CCDC38: variants seen among roughly 807,000 people sequenced by gnomAD.
CCDC38 encodes coiled-coil domain-containing protein 38.
Under a neutral mutation model 72.8 loss-of-function variants are expected in CCDC38, and 69 were observed. That is an observed-to-expected ratio of 0.95 (90% CI 0.78 to 1.16). CCDC38 has a LOEUF of 1.16. Ranked by LOEUF, CCDC38 falls within the 50% of genes most tolerant of loss-of-function variation. The pLI, the probability that CCDC38 is intolerant of heterozygous loss-of-function variation, is 0.00. For synonymous variants in CCDC38, 201 were observed against 213.2 expected, an observed-to-expected ratio of 0.94 and a Z score of 0.50; for missense variants, 626 against 638.9, an observed-to-expected ratio of 0.98 and a Z score of 0.22.
Position 95,879,957 on chromosome 12 carries a change from G to A in CCDC38, c.991-162C>T, listed in dbSNP as rs143595463. 2,922 of 478,198 alleles carry A rather than the reference G, an allele frequency of 6.1e-3. 22 individuals are homozygous for A. Among genetic ancestry groups the A allele is most frequent in the Middle Eastern group, 0.014 (25 of 1,728 alleles). The allele number at this position is 478,198 out of a possible 1,614,324, so 29.6% of individuals were successfully genotyped here. On this transcript the variant is annotated intron_variant, in intron 11 of 15. Coordinates refer to ENST00000344280, the MANE Select transcript of CCDC38 (RefSeq NM_182496.3). The surrounding 1 kb of genome is among the most constrained non-coding windows in gnomAD (Gnocchi z 5.5). ...GAAACTCGCCTATTTCCAAGTGAGA[G>A]CTGGCTTTCAGAAAGAGCACATTTG...
chr12:95,932,833 A>C (rs187037911), intron 2 of CCDC38, among the ~76,000 whole-genome samples: 2 of 152,348 alleles, frequency 1.3e-5, no homozygotes, highest in Admixed American at 1.3e-4. Context: ...CCTTCCCAAG[A>C]GGAACAGGAT....
intron 2 of CCDC38, 135 bp downstream of exon 2, chr12:95,936,338 C>T (rs2080393544): frequency 4.1e-6 from 3 of 739,726 alleles, no homozygotes; most frequent in Middle Eastern, 3.4e-4. Flanking sequence ...ACAGAATCTT[C>T]TCTGCAGGTA....
At chr12:95,876,849 G>T (rs947317396) in intron 13 of CCDC38, among the ~76,000 whole-genome samples, 2 of 152,084 alleles carry the variant, frequency 1.3e-5, no homozygotes, top group Non-Finnish European at 2.9e-5. Flanking sequence ...GTTGTGGCAG[G>T]CCAGGTCTCA....
chr12:95,878,403 A>C, intron 12 of CCDC38, 57 bp from the exon 13 acceptor site: 1 of 1,543,216 alleles, frequency 6.5e-7, no homozygotes, highest in Non-Finnish European at 8.8e-7. Flanking sequence ...TGAAATAACC[A>C]TCAGTCAGGA....
chr12:95,897,100 G>A (rs1460538056), intron 7 of CCDC38, among the ~76,000 whole-genome samples: 1 of 152,156 alleles, frequency 6.6e-6, no homozygotes, highest in Non-Finnish European at 1.5e-5. Flanking sequence ...TGTTAGTGCA[G>A]TTGGTTTCAG....
At chr12:95,907,392 AG>A in intron 4 of CCDC38, among the ~76,000 whole-genome samples, 1 of 124,370 alleles carries the variant, frequency 8.0e-6, no homozygotes, top group South Asian at 2.9e-4. Context: ...ACTTCCCAGT[AG>A]GGGCGGCCGG....
At chr12:95,891,585 C>A (rs2079828038) in intron 8 of CCDC38, among the ~76,000 whole-genome samples, 1 of 152,112 alleles carries the variant, frequency 6.6e-6, no homozygotes, top group African/African-American at 2.4e-5. Context: ...TCGGCTCAAG[C>A]ACCCCGCCTG....
chr12:95,895,052 C>T lies in CCDC38; in HGVS notation c.709G>A (p.Ala237Thr). Residue 237 changes from alanine (A) to threonine (T), a missense_variant, in exon 8 of 16, where the codon GCA (alanine) becomes ACA (threonine). Physicochemically the swap from Ala to Thr is moderately conservative, Grantham distance 58. Transcript: ENST00000344280. ...MSPKHWQIQQ[A>T]LKRAQASKSK... Reference sequence around the variant, plus strand: ...TTTGATGCCTGTGCTCTTTTTAGTGCTTGCTGGATTTGCCAATGTTTTGGA... The same window carrying T: ...TTTGATGCCTGTGCTCTTTTTAGTGTTTGCTGGATTTGCCAATGTTTTGGA... The T allele has an allele frequency of 6.2e-7, 1 of 1,613,126 alleles. No individual in the cohort carries two copies. The highest frequency in any genetic ancestry group is 8.5e-7 in the Non-Finnish European group (1 of 1,179,686).
Position 95,879,837 on chromosome 12 carries a change from T to C in CCDC38, c.991-42A>G. On this transcript the variant is annotated intron_variant, in intron 11 of 15. Coordinates refer to ENST00000344280, the MANE Select transcript of CCDC38 (RefSeq NM_182496.3). The surrounding 1 kb of genome is among the most constrained non-coding windows in gnomAD (Gnocchi z 5.5). ...GAAGAATATAATTTACTTAAAAATA[T>C]GCTACCTATGCACATGTGACTTATC... is the stretch of plus-strand genomic sequence containing the variant. 1 of 1,454,446 alleles carries C rather than the reference T, an allele frequency of 6.9e-7. No homozygotes were observed. The highest frequency in any genetic ancestry group is 9.4e-7 in the Non-Finnish European group (1 of 1,061,542). 90.1% of individuals were successfully genotyped at this position (1,454,446 alleles called of 1,614,324 possible).
intron 14 of CCDC38, among the ~76,000 whole-genome samples, chr12:95,871,409 T>G: frequency 6.6e-6 from 1 of 152,220 alleles, no homozygotes; most frequent in East Asian, 1.9e-4. Context: ...CCGTCTTATA[T>G]GAGACATGAG....
intron 14 of CCDC38, among the ~76,000 whole-genome samples, chr12:95,871,971 G>T (rs1238334390): frequency 6.6e-6 from 1 of 152,102 alleles, no homozygotes; most frequent in Non-Finnish European, 1.5e-5. Flanking sequence ...AGGCTAGTTT[G>T]TCCATCCCAA....
intron 4 of CCDC38, among the ~76,000 whole-genome samples, chr12:95,916,879 A>G (rs1459240163): frequency 2.6e-5 from 4 of 152,134 alleles, no homozygotes; most frequent in Admixed American, 6.6e-5. Flanking sequence ...AAACTTTAAT[A>G]CTACATTCTT....
chr12:95,880,030 A>T, intron 11 of CCDC38: 1 of 292,968 alleles, frequency 3.4e-6, no homozygotes. Flanking sequence ...GGGGAAGAAA[A>T]AAGGAAGAAG....
chr12:95,911,867 A>G (rs2080097899), intron 4 of CCDC38, among the ~76,000 whole-genome samples: 1 of 152,178 alleles, frequency 6.6e-6, no homozygotes, highest in Non-Finnish European at 1.5e-5. Flanking sequence ...ATTACTGGGT[A>G]CCTACCTCCC....
chr12:95,883,625 C>T (rs1413358468), intron 10 of CCDC38, among the ~76,000 whole-genome samples: 3 of 152,200 alleles, frequency 2.0e-5, no homozygotes, highest in African/African-American at 7.2e-5. Context: ...TGAGTCCTAC[C>T]TTTGCATGCC....
At chr12:95,892,918 C>T (rs943875388) in intron 8 of CCDC38, among the ~76,000 whole-genome samples, 1 of 152,116 alleles carries the variant, frequency 6.6e-6, no homozygotes, top group African/African-American at 2.4e-5. Context: ...GTCCGTTGAG[C>T]TGACCCAATG....
At chr12:95,884,292 G>A (rs2079733396) in intron 10 of CCDC38, among the ~76,000 whole-genome samples, 1 of 152,038 alleles carries the variant, frequency 6.6e-6, no homozygotes, top group African/African-American at 2.4e-5. Flanking sequence ...ATGACTGCAT[G>A]GACACCAAAA....
intron 4 of CCDC38, among the ~76,000 whole-genome samples, chr12:95,911,487 A>G (rs2080093745): frequency 6.6e-6 from 1 of 152,212 alleles, no homozygotes; most frequent in Admixed American, 6.5e-5. Flanking sequence ...TATATTCGCA[A>G]CCTTTGTCAA....
chr12:95,895,253 T>A, intron 7 of CCDC38, 107 bp from the exon 8 acceptor site: 1 of 670,384 alleles, frequency 1.5e-6, no homozygotes, highest in Non-Finnish European at 2.3e-6. Flanking sequence ...ATTAATAATT[T>A]AATTATCAAA....
Sources: allele counts gnomAD v4.1 joint callset (sites outside exome capture counted in the v4.1 genomes callset), GRCh38; gene constraint gnomAD v4.1.1; non-coding constraint Gnocchi (gnomAD v3.1); transcripts MANE v1.5; gene names NCBI Gene and HGNC (gene_info 2026-07-23, HGNC 2026-07-21).